Variants in IQSEC2 observed in about 807,000 individuals in gnomAD.
IQSEC2 encodes the protein IQ motif and SEC7 domain-containing protein 2.
A neutral mutation model predicts 74.6 loss-of-function variants in IQSEC2; 6 were observed. The ratio of observed to expected loss-of-function variants is 0.08; its 90% confidence interval spans 0.04 to 0.16. IQSEC2 has a LOEUF of 0.16. IQSEC2 is among the 10% of genes least tolerant of loss of function. The pLI, the probability that IQSEC2 is intolerant of heterozygous loss-of-function variation, is 1.00. For synonymous variants in IQSEC2, 494 were observed against 544.5 expected (o/e 0.91, Z 1.29); for missense variants, 734 against 1,306.2 (o/e 0.56, Z 6.75).
Position 53,234,302 on chromosome X carries a change from G to A in IQSEC2, c.4384C>T (p.His1462Tyr). 1.3e-6 allele frequency: 1 copy of A among 780,152 alleles called. No individual in the cohort carries two copies. The highest frequency in any genetic ancestry group is 5.0e-5 in the Admixed American group (1 of 19,924). The allele number at this position is 780,152 out of a possible 1,213,427, so 64.3% of individuals were successfully genotyped here. ...LPPTSPHGPL[H>Y]ASGPPGTANP... is the part of the protein sequence containing the mutation. Reference sequence around the variant, plus strand: ...GCTGTGCCAGGGGGCCCAGAGGCGTGCAGCGGGCCATGGGGGGAGGTGGGT... The same window carrying A: ...GCTGTGCCAGGGGGCCCAGAGGCGTACAGCGGGCCATGGGGGGAGGTGGGT... The change falls in exon 15 of 15, where the codon CAC (histidine) becomes TAC (tyrosine). Residue 1462 changes from histidine to tyrosine, a missense_variant. By Grantham distance (83) the His-to-Tyr change is moderately conservative. Transcript: ENST00000642864.
At chrX:53,277,498 T>C (rs1419648876) in intron 2 of IQSEC2, among the ~76,000 whole-genome samples, 2 of 109,343 alleles carry the variant, frequency 1.8e-5, no homozygotes, top group Non-Finnish European at 3.8e-5. Context: ...GGATTACAGG[T>C]GTGAGCTACC....
chrX:53,257,409 G>A (rs1449547344), intron 2 of IQSEC2, among the ~76,000 whole-genome samples: 10 of 112,282 alleles, frequency 8.9e-5, no homozygotes, highest in Admixed American at 6.5e-4. Context: ...GCCCTGGGGA[G>A]AGCTCCCACC....
In IQSEC2 at chrX:53,255,857, C is replaced by T. The variant is rs1556865007; in HGVS notation, c.942G>A (p.Lys314=). 13 of 1,211,714 alleles carry T rather than the reference C, an allele frequency of 1.1e-5. No individual in the cohort carries two copies. Among genetic ancestry groups the T allele is most frequent in the Non-Finnish European group, 1.5e-5 (13 of 895,304 alleles). Residue 314 remains lysine, a synonymous_variant, in exon 3 of 15, where the codon AAG becomes AAA. Transcript: ENST00000642864. ...AGCTGTCCGATAGGGCCTTGGAGCG[C>T]TTTATCTCCTCCTCCTCCTGCTTCC... ...ALRKQEEEEI[K]RSKALSDSYE...
intron 14 of IQSEC2, 132 bp downstream of exon 14, chrX:53,235,651 G>A: frequency 1.6e-6 from 1 of 626,152 alleles, no homozygotes; most frequent in African/African-American, 2.2e-5. Context: ...GGAGAGAGTG[G>A]TTGGCTGGGA....
intron 1 of IQSEC2, among the ~76,000 whole-genome samples, chrX:53,298,085 G>A (rs1311752405): frequency 2.7e-5 from 3 of 111,501 alleles, no homozygotes; most frequent in African/African-American, 6.5e-5. Context: ...AGCTAAGATC[G>A]CGCCACTGCA....
chrX:53,287,211 C>T (rs894455342), intron 2 of IQSEC2, among the ~76,000 whole-genome samples: 1 of 111,961 alleles, frequency 8.9e-6, no homozygotes, highest in Non-Finnish European at 1.9e-5. Context: ...CTTGAGTGGG[C>T]TTCCGTTCCT....
chrX:53,269,031 A>T (rs1403041960), intron 2 of IQSEC2, among the ~76,000 whole-genome samples: 1 of 111,980 alleles, frequency 8.9e-6, no homozygotes, highest in Non-Finnish European at 1.9e-5. Context: ...CATGTTCCCT[A>T]CTCACTGATG....
At chrX:53,236,805 C>T (rs2074138333) in intron 12 of IQSEC2, among the ~76,000 whole-genome samples, 1 of 111,167 alleles carries the variant, frequency 9.0e-6, no homozygotes, top group Admixed American at 9.5e-5. Flanking sequence ...CTGACTTCTC[C>T]CCTCCCATGC....
At chrX:53,295,185 C>T (rs1342960080) in intron 1 of IQSEC2, among the ~76,000 whole-genome samples, 1 of 112,248 alleles carries the variant, frequency 8.9e-6, no homozygotes, top group Non-Finnish European at 1.9e-5. Flanking sequence ...GATATGCCAA[C>T]TCCCATCCTC....
At chrX:53,286,951 A>AAG (rs1556871893) in intron 2 of IQSEC2, among the ~76,000 whole-genome samples, 13 of 106,004 alleles carry the variant, frequency 1.2e-4, no homozygotes, top group African/African-American at 4.2e-4. Context: ...AAAAAAAAAA[A>AAG]AAAAAAGAAA....
chrX:53,296,098 C>T (rs948704710), intron 1 of IQSEC2, among the ~76,000 whole-genome samples: 2 of 106,698 alleles, frequency 1.9e-5, no homozygotes, highest in East Asian at 3.0e-4. Flanking sequence ...TGCAGTGGCG[C>T]GATCTTGGCT....
chrX:53,290,078 T>C (rs1264410594), intron 2 of IQSEC2, among the ~76,000 whole-genome samples: 2 of 111,759 alleles, frequency 1.8e-5, no homozygotes, highest in Admixed American at 1.9e-4. Context: ...TGGGTAGCAC[T>C]CTGGGTTGGC....
chrX:53,303,171 C>T (rs1292925626), intron 1 of IQSEC2, among the ~76,000 whole-genome samples: 1 of 107,062 alleles, frequency 9.3e-6, no homozygotes, highest in Non-Finnish European at 1.9e-5. Context: ...CCATTGCACT[C>T]CAGCCTGGGA....
chrX:53,248,593 C>A, intron 6 of IQSEC2, 128 bp downstream of exon 6: 1 of 718,289 alleles, frequency 1.4e-6, no homozygotes, highest in South Asian at 2.6e-5. Context: ...GGTACAGGGG[C>A]AGGAAGGTCT....
At chrX:53,262,667 C>A (rs782294201) in intron 2 of IQSEC2, among the ~76,000 whole-genome samples, 2 of 111,825 alleles carry the variant, frequency 1.8e-5, no homozygotes, top group Non-Finnish European at 3.8e-5. Flanking sequence ...CAAGCTAGTT[C>A]TGCTGCCCAA....
At chrX:53,261,827 T>TG (rs2074573844) in intron 2 of IQSEC2, among the ~76,000 whole-genome samples, 1 of 111,740 alleles carries the variant, frequency 8.9e-6, no homozygotes, top group South Asian at 3.7e-4. Flanking sequence ...GAGGAAGTGC[T>TG]GGGGGAGTGC....
chrX:53,275,400 C>T (rs2074813130), intron 2 of IQSEC2, among the ~76,000 whole-genome samples: 1 of 111,377 alleles, frequency 9.0e-6, no homozygotes, highest in Non-Finnish European at 1.9e-5. Context: ...GCAATCCACC[C>T]GCCTCAGCCT....
At chrX:53,318,940 C>T (rs188238749) in intron 1 of IQSEC2, among the ~76,000 whole-genome samples, 19 of 113,022 alleles carry the variant, frequency 1.7e-4, no homozygotes, top group African/African-American at 6.1e-4. Context: ...GGACTGAGCT[C>T]GCAGCAGCCC....
In IQSEC2 at chrX:53,233,009, T is replaced by C. The variant is rs1556858571; in HGVS notation, c.*1210A>G. On this transcript the variant is annotated 3_prime_UTR_variant, in exon 15 of 15. Coordinates refer to ENST00000642864, the MANE Select transcript of IQSEC2 (RefSeq NM_001111125.3). ...ACCCTCCCCCGCCCCCAAGCCCCAG[T>C]GGCCCTGGCCCTTCGTACAGCCAGG... The C allele has an allele frequency of 9.0e-6, 1 of 110,965 alleles. No homozygotes were observed. The highest frequency in any genetic ancestry group is 3.8e-4 in the South Asian group (1 of 2,609). The allele number at this position is 110,965 out of a possible 1,213,427, so 9.1% of individuals were successfully genotyped here.
Sources: allele counts gnomAD v4.1 joint callset (sites outside exome capture counted in the v4.1 genomes callset), GRCh38; gene constraint gnomAD v4.1.1; transcripts MANE v1.5; gene names NCBI Gene and HGNC (gene_info 2026-07-23, HGNC 2026-07-21).